CLIC5: variants seen among roughly 807,000 people sequenced by gnomAD.
CLIC5 encodes the protein CLIC family member 5.
Under a neutral mutation model 24.7 loss-of-function variants are expected in CLIC5, and 20 were observed. The ratio of observed to expected loss-of-function variants is 0.81; its 90% CI spans 0.57 to 1.18. The LOEUF is 1.18. Among genes scored for constraint, CLIC5 ranks in the 50% most tolerant of loss-of-function variants. The pLI is 0.00. For missense variants in CLIC5, 341 were observed against 326.1 expected, an observed-to-expected ratio of 1.05 and a Z score of -0.35; for synonymous variants, 159 against 135.6, an observed-to-expected ratio of 1.17 and a Z score of -1.20.
At chr6:46,038,940 A>G (rs1224570070) in intron 1 of CLIC5, among the ~76,000 whole-genome samples, 1 of 152,248 alleles carries the variant, frequency 6.6e-6, no homozygotes, top group East Asian at 1.9e-4. Flanking sequence ...ATAACTTATG[A>G]TGATGTAACA....
chr6:45,986,978 C>T (rs1288113560), intron 1 of CLIC5, among the ~76,000 whole-genome samples: 1 of 152,232 alleles, frequency 6.6e-6, no homozygotes, highest in Admixed American at 6.5e-5. Flanking sequence ...GAACTACTCA[C>T]ATGTATCAGT....
At chr6:45,893,172 G>C (rs533871370) in intron 6 of CLIC5, among the ~76,000 whole-genome samples, 7 of 147,404 alleles carry the variant, frequency 4.7e-5, no homozygotes, top group African/African-American at 1.8e-4. Context: ...CCTAGTTTTT[G>C]TTTTCATGTT....
In CLIC5 at chr6:45,967,126, T is replaced by A. The variant is rs73738314; in HGVS notation, c.64-11882A>T. Among the ~76,000 whole-genome samples the A allele has an allele frequency of 6.6e-3, 1,002 of 152,314 alleles. 5 individuals carry two copies. The highest frequency in any genetic ancestry group is 0.023 in the African/African-American group (963 of 41,562). The stretch of plus-strand genomic sequence containing the variant: ...TAAAAAATGCAGGGTCCTCATAAGG[T>A]CCTGTTTTGGGCTTTCTTGGCTGCG... On this transcript the variant is annotated intron_variant, in intron 1 of 5. Transcript: ENST00000339561.
chr6:45,894,345 C>G (rs1448379531), downstream of CLIC5, among the ~76,000 whole-genome samples: 3 of 152,088 alleles, frequency 2.0e-5, no homozygotes, highest in Admixed American at 1.3e-4. Flanking sequence ...TTCCAGAAAT[C>G]TATTCTAAGG....
chr6:45,976,417 T>A (rs931040161), intron 1 of CLIC5, among the ~76,000 whole-genome samples: 2 of 152,168 alleles, frequency 1.3e-5, no homozygotes, highest in Non-Finnish European at 2.9e-5. Context: ...TCCAGGACTT[T>A]CAGGATTTAA....
the CLIC5 span, among the ~76,000 whole-genome samples, chr6:46,122,560 AG>A: frequency 6.6e-6 from 1 of 152,220 alleles, no homozygotes; most frequent in African/African-American, 2.4e-5. Context: ...AGCTAGCAGA[AG>A]GCAAGAAATA....
At chr6:46,027,213 A>G (rs568558208) in intron 1 of CLIC5, among the ~76,000 whole-genome samples, 199 of 152,346 alleles carry the variant, frequency 1.3e-3, no homozygotes, top group Non-Finnish European at 2.4e-3. Flanking sequence ...GTAGAGAATC[A>G]CAGTGAAGGG....
Position 45,904,408 on chromosome 6 carries a change from A to G in CLIC5, c.589-1153T>C, listed in dbSNP as rs181072720. ...AGGTCTCTCTAGCTGCGGCAGCTTC[A>G]TGGACCTGTGACCTGTGCAGTCTCA... On this transcript the variant is annotated intron_variant, in intron 5 of 5. Transcript: ENST00000339561. Among the ~76,000 whole-genome samples the G allele has an allele frequency of 3.0e-4, 45 of 151,924 alleles. No homozygotes were observed. In the East Asian group the frequency reaches 5.7e-3, roughly 19 times the overall value.
the CLIC5 span, among the ~76,000 whole-genome samples, chr6:46,094,324 C>T: frequency 6.6e-6 from 1 of 152,128 alleles, no homozygotes; most frequent in Non-Finnish European, 1.5e-5. Context: ...AACAATTGCC[C>T]AAAGTTTTAA....
At chr6:46,051,494 C>T (rs1028140112) in intron 1 of CLIC5, among the ~76,000 whole-genome samples, 5 of 152,328 alleles carry the variant, frequency 3.3e-5, no homozygotes, top group Admixed American at 6.5e-5. Flanking sequence ...TTTAGCTCTA[C>T]GTGCAATCCA....
At chr6:46,004,112 G>A (rs1347991273) in intron 1 of CLIC5, among the ~76,000 whole-genome samples, 1 of 152,218 alleles carries the variant, frequency 6.6e-6, no homozygotes, top group South Asian at 2.1e-4. Context: ...AGCAGTTGAA[G>A]TTGATCTAGC....
chr6:46,046,620 A>G (rs1416636126), intron 1 of CLIC5, among the ~76,000 whole-genome samples: 3 of 152,226 alleles, frequency 2.0e-5, no homozygotes, highest in Non-Finnish European at 2.9e-5. Context: ...GTATACCATG[A>G]TGATTTTGAT....
intron 1 of CLIC5, among the ~76,000 whole-genome samples, chr6:46,032,266 A>G (rs888272559): frequency 1.3e-5 from 2 of 152,090 alleles, no homozygotes; most frequent in Non-Finnish European, 2.9e-5. Context: ...ATGAGAACTC[A>G]CTCACTATCA....
At chr6:46,047,539 C>A (rs1239320025) in intron 1 of CLIC5, among the ~76,000 whole-genome samples, 1 of 152,128 alleles carries the variant, frequency 6.6e-6, no homozygotes, top group African/African-American at 2.4e-5. Context: ...TCACCAATGC[C>A]TAGTCAAAAC....
At chr6:46,029,182 C>T (rs1767429627) in intron 1 of CLIC5, among the ~76,000 whole-genome samples, 1 of 152,182 alleles carries the variant, frequency 6.6e-6, no homozygotes, top group Non-Finnish European at 1.5e-5. Context: ...CAGTGCCTTA[C>T]ACAGAGCAGA....
At chr6:46,072,698 G>C (rs909260679) in intron 1 of CLIC5, among the ~76,000 whole-genome samples, 1 of 152,016 alleles carries the variant, frequency 6.6e-6, no homozygotes, top group African/African-American at 2.4e-5. Flanking sequence ...TTTCATGAAG[G>C]TTTCTTCCCA....
intron 1 of CLIC5, among the ~76,000 whole-genome samples, chr6:46,053,273 A>G (rs1581902865): frequency 6.6e-6 from 1 of 152,000 alleles, no homozygotes; most frequent in Admixed American, 6.6e-5. Context: ...GCTGGGTGAC[A>G]GGCTGGTAGG....
intron 1 of CLIC5, among the ~76,000 whole-genome samples, chr6:45,978,833 C>T (rs570839520): frequency 1.3e-5 from 2 of 152,036 alleles, no homozygotes; most frequent in African/African-American, 2.4e-5. Flanking sequence ...GCCTTTAATC[C>T]CAGCTACTTG....
In CLIC5 at chr6:46,070,864, A is replaced by G. The variant is rs186726237; in HGVS notation, c.540+8839T>C. On this transcript the variant is annotated intron_variant, in intron 1 of 5. Coordinates refer to the CLIC5 transcript ENST00000185206. ...CAGTAACCCAAACAGCATGGTATTG[A>G]TACAAAAACAGACACATTCACCAAT... Among the ~76,000 whole-genome samples, 674 of 152,236 alleles carry G rather than the reference A, an allele frequency of 4.4e-3. 3 individuals are homozygous for G. The highest frequency in any genetic ancestry group is 0.015 in the African/African-American group (627 of 41,570).
Sources: gnomAD v4.1 joint callset for allele counts (sites outside exome capture counted in the v4.1 genomes callset) on GRCh38, gnomAD v4.1.1 for gene constraint, MANE v1.5 for transcripts, NCBI Gene and HGNC (gene_info 2026-07-23, HGNC 2026-07-21) for gene names.